The following FHIT variants were observed in gnomAD, a reference collection of about 807,000 sequenced individuals.
The protein encoded by FHIT is fragile histidine triad diadenosine triphosphatase.
In FHIT, 19 loss-of-function variants were observed where a neutral mutation model predicts 17.9. The ratio of observed to expected loss-of-function variants is 1.06; its 90% CI spans 0.74 to 1.56. The LOEUF (loss-of-function observed/expected upper bound fraction) is 1.56, where lower values mean the gene tolerates loss of function less well. Ranked by LOEUF, FHIT falls within the 40% of genes most tolerant of loss-of-function variation. The probability of loss-of-function intolerance (pLI) is 0.00; values close to 1 mark genes in which losing one functional copy is unlikely to be tolerated. For missense variants in FHIT, 248 were observed against 189.2 expected (o/e 1.31, Z -1.82); for synonymous variants, 81 against 69.7 (o/e 1.16, Z -0.81).
At position 60,105,007 on chromosome 3, in the gene FHIT, A is replaced by G. The variant is rs75173264; in HGVS notation, c.104-90855T>C. 7.2e-4 allele frequency among the ~76,000 whole-genome samples: 109 copies of G among 152,326 alleles called. 1 individual carries two copies. Among genetic ancestry groups the G allele is most frequent in the Non-Finnish European group, 1.3e-3 (89 of 68,012 alleles). On this transcript the variant is annotated intron_variant, in intron 5 of 9. Transcript: ENST00000492590. ...AAAAACTCAACAATAATGGAGCTCA[A>G]TTAAGCATAATTTGTGTGCTTCAAC...
At chr3:60,870,669 T>C (rs1704374441) in intron 3 of FHIT, among the ~76,000 whole-genome samples, 1 of 152,154 alleles carries the variant, frequency 6.6e-6, no homozygotes, top group Non-Finnish European at 1.5e-5. Flanking sequence ...CACACAACTA[T>C]CTGATGCTCT....
At chr3:60,171,193 T>G (rs1055310978) in intron 5 of FHIT, among the ~76,000 whole-genome samples, 3 of 152,364 alleles carry the variant, frequency 2.0e-5, no homozygotes, top group Non-Finnish European at 2.9e-5. Context: ...ATGCTATTTT[T>G]TTTTAAATAC....
chr3:60,182,365 G>T (rs1483459725), intron 5 of FHIT, among the ~76,000 whole-genome samples: 1 of 152,222 alleles, frequency 6.6e-6, no homozygotes, highest in Non-Finnish European at 1.5e-5. Context: ...TTTGGTGAGA[G>T]CACTGCCTAT....
At chr3:60,911,634 C>G (rs1378077745) in intron 3 of FHIT, among the ~76,000 whole-genome samples, 2 of 152,140 alleles carry the variant, frequency 1.3e-5, no homozygotes, top group East Asian at 1.9e-4. Flanking sequence ...CAAGAGAACA[C>G]AGAAGAGTCA....
intron 5 of FHIT, among the ~76,000 whole-genome samples, chr3:60,284,258 A>G (rs1478746760): frequency 1.3e-5 from 2 of 152,188 alleles, no homozygotes; most frequent in Non-Finnish European, 2.9e-5. Context: ...TCGTAACAGT[A>G]CAATGTGTGA....
chr3:60,256,667 T>C (rs1706010056), intron 5 of FHIT, among the ~76,000 whole-genome samples: 1 of 152,226 alleles, frequency 6.6e-6, no homozygotes, highest in South Asian at 2.1e-4. Context: ...AATCAATTGA[T>C]AACTTTGGTA....
intron 8 of FHIT, among the ~76,000 whole-genome samples, chr3:59,823,458 T>C (rs1250423263): frequency 6.6e-6 from 1 of 152,144 alleles, no homozygotes; most frequent in Admixed American, 6.6e-5. Context: ...AAGAAAATAC[T>C]TGCTAACTGA....
rs2029964343 is a variant in FHIT at position 60,433,858 on chromosome 3, TC to T, written c.103+103001del. ...ATGTATGGTTCATTTTTTCTCCTATTCCATAGGTGGCTTTTCCACTCTGTTG... is the reference window on the plus strand; with the variant it reads ...ATGTATGGTTCATTTTTTCTCCTATTCATAGGTGGCTTTTCCACTCTGTTG... On this transcript the variant is annotated intron_variant, in intron 5 of 9. Coordinates refer to ENST00000492590, the MANE Select transcript of FHIT (RefSeq NM_002012.4). Among the ~76,000 whole-genome samples the T allele has an allele frequency of 2.0e-5, 3 of 152,250 alleles. No individual in the cohort carries two copies. The South Asian group carries it at 6.2e-4, about 32-fold the overall frequency.
chr3:60,827,239 A>C (rs1251216037), intron 3 of FHIT, among the ~76,000 whole-genome samples: 2 of 152,208 alleles, frequency 1.3e-5, no homozygotes, highest in Non-Finnish European at 2.9e-5. Flanking sequence ...CTCCTGGGTC[A>C]ATATTGTATG....
intron 8 of FHIT, among the ~76,000 whole-genome samples, chr3:59,883,986 T>C (rs769946517): frequency 5.9e-5 from 9 of 152,258 alleles, no homozygotes; most frequent in African/African-American, 1.2e-4. Context: ...TTTTGACATA[T>C]ATTCTTAGGC....
chr3:59,953,964 C>T (rs935754845), intron 7 of FHIT, among the ~76,000 whole-genome samples: 3 of 152,190 alleles, frequency 2.0e-5, no homozygotes, highest in Non-Finnish European at 4.4e-5. Context: ...AAGCAGAGCC[C>T]ATCCTTTTCC....
chr3:59,848,429 G>A (rs1701803510), intron 8 of FHIT, among the ~76,000 whole-genome samples: 2 of 152,068 alleles, frequency 1.3e-5, no homozygotes, highest in African/African-American at 2.4e-5. Flanking sequence ...GGGAAAGAAT[G>A]CCAAAAAGAT....
intron 4 of FHIT, among the ~76,000 whole-genome samples, chr3:60,752,567 GT>G (rs1559695004): frequency 1.3e-5 from 2 of 152,086 alleles, no homozygotes; most frequent in African/African-American, 4.8e-5. Context: ...ACTTTTTTGC[GT>G]TTTATTTTGT....
chr3:60,771,617 A>G (rs1700045487), intron 4 of FHIT, among the ~76,000 whole-genome samples: 1 of 152,190 alleles, frequency 6.6e-6, no homozygotes, highest in Non-Finnish European at 1.5e-5. Flanking sequence ...GTCATTTAAA[A>G]AGTGCTACAG....
At chr3:59,899,132 T>C (rs1704208364) in intron 8 of FHIT, among the ~76,000 whole-genome samples, 1 of 152,188 alleles carries the variant, frequency 6.6e-6, no homozygotes, top group Admixed American at 6.5e-5. Context: ...AGTGGGACCT[T>C]GGGCAACTGA....
At chr3:60,271,216 A>G (rs973649542) in intron 5 of FHIT, among the ~76,000 whole-genome samples, 1 of 152,060 alleles carries the variant, frequency 6.6e-6, no homozygotes, top group African/African-American at 2.4e-5. Flanking sequence ...CCTGGTCAAC[A>G]TGGTGAAACC....
intron 3 of FHIT, among the ~76,000 whole-genome samples, chr3:60,944,842 A>G (rs1708572889): frequency 6.6e-6 from 1 of 152,198 alleles, no homozygotes; most frequent in Non-Finnish European, 1.5e-5. Flanking sequence ...AGTAGTCAGC[A>G]CACTTTATTG....
chr3:60,913,750 C>G (rs1165532657), intron 3 of FHIT, among the ~76,000 whole-genome samples: 1 of 152,192 alleles, frequency 6.6e-6, no homozygotes, highest in Non-Finnish European at 1.5e-5. Context: ...GGCTTCCCTT[C>G]ATTCACATGC....
intron 1 of FHIT, among the ~76,000 whole-genome samples, chr3:61,238,657 T>C (rs1004039511): frequency 3.3e-5 from 5 of 152,222 alleles, no homozygotes; most frequent in African/African-American, 1.2e-4. Context: ...AGCCAGTTTT[T>C]CAAATATGCA....
Sources: gnomAD v4.1 joint callset for allele counts (sites outside exome capture counted in the v4.1 genomes callset) on GRCh38, gnomAD v4.1.1 for gene constraint, MANE v1.5 for transcripts, NCBI Gene and HGNC (gene_info 2026-07-23, HGNC 2026-07-21) for gene names.